MDGA2: variants seen among roughly 807,000 people sequenced by gnomAD.
The protein encoded by MDGA2 is MAM domain-containing glycosylphosphatidylinositol anchor protein 2.
Under a neutral mutation model 117.8 loss-of-function variants are expected in MDGA2, and 40 were observed. The ratio of observed to expected loss-of-function variants is 0.34; its 90% CI spans 0.26 to 0.44. The LOEUF (loss-of-function observed/expected upper bound fraction) is 0.44, where lower values mean the gene tolerates loss of function less well. Ranked by LOEUF, MDGA2 falls within the 20% of genes least tolerant of loss-of-function variation. The pLI is 1.00. For missense variants in MDGA2, 1,123 were observed against 1,250.6 expected (o/e 0.90, Z 1.54); for synonymous variants, 452 against 439.0 (o/e 1.03, Z -0.37).
intron 2 of MDGA2, among the ~76,000 whole-genome samples, chr14:47,262,414 T>C (rs1376920042): frequency 6.6e-6 from 1 of 152,162 alleles, no homozygotes; most frequent in African/African-American, 2.4e-5. Flanking sequence ...GTCCCAAATA[T>C]CAAATGTGTT....
intron 10 of MDGA2, among the ~76,000 whole-genome samples, chr14:46,883,202 C>A (rs1273451775): frequency 6.6e-6 from 1 of 151,944 alleles, no homozygotes; most frequent in East Asian, 1.9e-4. Flanking sequence ...TTTTAACATA[C>A]AATATTGTTT....
chr14:47,493,316 AAT>A (rs556847345), intron 1 of MDGA2, among the ~76,000 whole-genome samples: 45 of 148,182 alleles, frequency 3.0e-4, no homozygotes, highest in African/African-American at 1.0e-3. Context: ...TATAATATAA[AAT>A]ATATATATAT....
At chr14:47,588,229 G>GATATATATATATATATATAT (rs1243073183) in intron 1 of MDGA2, among the ~76,000 whole-genome samples, 1 of 101,988 alleles carries the variant, frequency 9.8e-6, no homozygotes, top group Admixed American at 1.1e-4. Context: ...ATCTCTTGGA[G>GATATATATATATATATATAT]ATAGATAGAT....
chr14:47,299,083 A>G (rs1889189003), intron 2 of MDGA2, among the ~76,000 whole-genome samples: 1 of 152,164 alleles, frequency 6.6e-6, no homozygotes, highest in African/African-American at 2.4e-5. Context: ...ATACCAAAAC[A>G]ATACATTTTT....
intron 8 of MDGA2, among the ~76,000 whole-genome samples, chr14:47,010,352 T>A (rs201190597): frequency 7.0e-6 from 1 of 143,230 alleles, no homozygotes; most frequent in Non-Finnish European, 1.5e-5. Flanking sequence ...AGGAAAAAAA[T>A]AGATATAAAA....
intron 1 of MDGA2, among the ~76,000 whole-genome samples, chr14:47,533,940 C>T (rs1000910033): frequency 6.6e-6 from 1 of 152,088 alleles, no homozygotes; most frequent in Non-Finnish European, 1.5e-5. Flanking sequence ...ATGATAAATG[C>T]AGCTTAAAAG....
intron 1 of MDGA2, among the ~76,000 whole-genome samples, chr14:47,335,945 G>T (rs1890443921): frequency 1.3e-5 from 2 of 151,204 alleles, no homozygotes; most frequent in African/African-American, 4.9e-5. Context: ...ACAGAAAAAT[G>T]ATGTAGGATC....
chr14:47,644,355 G>GAT (rs1269693390), intron 1 of MDGA2, among the ~76,000 whole-genome samples: 2 of 152,232 alleles, frequency 1.3e-5, no homozygotes, highest in East Asian at 1.9e-4. Flanking sequence ...AAGAAAATGT[G>GAT]ATATATATAC....
intron 1 of MDGA2, among the ~76,000 whole-genome samples, chr14:47,534,791 A>G (rs1273820404): frequency 6.6e-6 from 1 of 152,216 alleles, no homozygotes; most frequent in Non-Finnish European, 1.5e-5. Context: ...AAGGTAGACA[A>G]TATCAGATAA....
chr14:47,239,450 G>C (rs1886969472), intron 2 of MDGA2, among the ~76,000 whole-genome samples: 1 of 151,726 alleles, frequency 6.6e-6, no homozygotes, highest in African/African-American at 2.4e-5. Flanking sequence ...TTCTCAAAAA[G>C]ATGTGTTTGC....
At chr14:47,267,351 A>G (rs1437117620) in intron 2 of MDGA2, among the ~76,000 whole-genome samples, 1 of 152,206 alleles carries the variant, frequency 6.6e-6, no homozygotes, top group Non-Finnish European at 1.5e-5. Context: ...AAATGATTTT[A>G]AATTCCATTA....
chr14:47,396,748 T>C (rs1345870309), intron 1 of MDGA2, among the ~76,000 whole-genome samples: 2 of 152,196 alleles, frequency 1.3e-5, no homozygotes, highest in Non-Finnish European at 2.9e-5. Context: ...TCATCATCAC[T>C]GGTCATTAGA....
chr14:47,141,418 TAAAGAA>T (rs1332252849), intron 4 of MDGA2, among the ~76,000 whole-genome samples: 1 of 152,058 alleles, frequency 6.6e-6, no homozygotes, highest in Non-Finnish European at 1.5e-5. Context: ...GATGAATGGA[TAAAGAA>T]AATGTGGAAT....
At chr14:47,264,581 TA>T (rs1887902928) in intron 2 of MDGA2, among the ~76,000 whole-genome samples, 2 of 152,132 alleles carry the variant, frequency 1.3e-5, no homozygotes, top group African/African-American at 4.8e-5. Flanking sequence ...TCTTAGTAAT[TA>T]GGGCTTTTCA....
chr14:47,024,397 A>C (rs1403650200), intron 8 of MDGA2, among the ~76,000 whole-genome samples: 1 of 152,218 alleles, frequency 6.6e-6, no homozygotes, highest in South Asian at 2.1e-4. Flanking sequence ...GGGCACAAAG[A>C]AACAGAATAC....
intron 1 of MDGA2, among the ~76,000 whole-genome samples, chr14:47,365,686 A>G (rs61654337): frequency 0.045 from 6,851 of 152,292 alleles, 224 homozygotes; most frequent in African/African-American, 0.091. Flanking sequence ...TTCCAAGTAA[A>G]GGTGTGGCCA....
intron 3 of MDGA2, among the ~76,000 whole-genome samples, chr14:47,176,970 C>A (rs917309339): frequency 5.3e-5 from 8 of 152,076 alleles, no homozygotes; most frequent in African/African-American, 1.9e-4. Context: ...AAACAAACAA[C>A]CCCATCAAAA....
chr14:46,936,423 C>T (rs1299788458), intron 9 of MDGA2, among the ~76,000 whole-genome samples: 1 of 151,868 alleles, frequency 6.6e-6, no homozygotes, highest in Non-Finnish European at 1.5e-5. Context: ...TATATTGGTA[C>T]ATGTAGGGAG....
intron 8 of MDGA2, among the ~76,000 whole-genome samples, chr14:46,964,919 C>CTTTTTTTTTTTTTTTTTTTTTTTTTT (rs746778179): frequency 1.1e-5 from 1 of 89,814 alleles, no homozygotes; most frequent in Non-Finnish European, 2.0e-5. Flanking sequence ...TATATATTTA[C>CTTTTTTTTTTTTTTTTTTTTTTTTTT]TTTTTTTTTT....
Sources: allele counts gnomAD v4.1 joint callset (sites outside exome capture counted in the v4.1 genomes callset), GRCh38; gene constraint gnomAD v4.1.1; transcripts MANE v1.5; gene names NCBI Gene and HGNC (gene_info 2026-07-23, HGNC 2026-07-21).